MAGI1: variants seen among roughly 807,000 people sequenced by gnomAD.
MAGI1 encodes membrane-associated guanylate kinase, WW and PDZ domain-containing protein 1.
Under a neutral mutation model 139.9 loss-of-function variants are expected in MAGI1, and 58 were observed. That is an observed-to-expected ratio of 0.41 (90% CI 0.34 to 0.52). The LOEUF is 0.52. Ranked by LOEUF, MAGI1 falls within the 20% of genes least tolerant of loss-of-function variation. The pLI, the probability that MAGI1 is intolerant of heterozygous loss-of-function variation, is 0.12. For synonymous variants in MAGI1, 812 were observed against 737.9 expected, an observed-to-expected ratio of 1.10 and a Z score of -1.63; for missense variants, 1,874 against 1,901.6, an observed-to-expected ratio of 0.99 and a Z score of 0.27.
intron 1 of MAGI1, among the ~76,000 whole-genome samples, chr3:65,771,035 T>C (rs1419581770): frequency 2.0e-5 from 3 of 151,784 alleles, no homozygotes; most frequent in Non-Finnish European, 4.4e-5. Context: ...GGTGTGGTAT[T>C]ACAGATTACA....
At chr3:65,930,852 C>A (rs1457847503) in intron 1 of MAGI1, among the ~76,000 whole-genome samples, 1 of 152,100 alleles carries the variant, frequency 6.6e-6, no homozygotes, top group Admixed American at 6.5e-5. Context: ...AGGAAGTTAC[C>A]GTATATGGTC....
rs80187774 is a variant in MAGI1, at chr3:65,565,100, G to A, written c.430+56872C>T. ...CCTGCAAGCACATCAGCATACACAC[G>A]GGTGCACACACATATATACGGGCAC... On this transcript the variant is annotated intron_variant, in intron 2 of 22. Transcript: ENST00000402939. 7.4e-3 allele frequency among the ~76,000 whole-genome samples: 1,130 copies of A among 152,202 alleles called. 17 individuals are homozygous for A. Among genetic ancestry groups the A allele is most frequent in the African/African-American group, 0.026 (1,085 of 41,516 alleles).
chr3:65,841,009 T>C (rs1487253512), intron 1 of MAGI1, among the ~76,000 whole-genome samples: 1 of 152,176 alleles, frequency 6.6e-6, no homozygotes, highest in Middle Eastern at 3.2e-3. Context: ...TTGTGGTAGT[T>C]TGTGCTTTTC....
At chr3:65,392,994 A>G (rs1944058306) in intron 13 of MAGI1, among the ~76,000 whole-genome samples, 1 of 152,166 alleles carries the variant, frequency 6.6e-6, no homozygotes, top group South Asian at 2.1e-4. Flanking sequence ...AAAAACATAC[A>G]CTGTTGCAGA....
chr3:65,552,692 C>A (rs1469288746), intron 2 of MAGI1, among the ~76,000 whole-genome samples: 1 of 152,118 alleles, frequency 6.6e-6, no homozygotes, highest in Non-Finnish European at 1.5e-5. Context: ...TTCTTGGGGC[C>A]CTGATCCTAT....
chr3:65,840,297 T>C (rs1490464585), intron 1 of MAGI1, among the ~76,000 whole-genome samples: 1 of 152,198 alleles, frequency 6.6e-6, no homozygotes, highest in African/African-American at 2.4e-5. Flanking sequence ...CAGTACTATA[T>C]TGAATAGCAG....
At position 65,356,287 on chromosome 3, in the gene MAGI1, C is replaced by T. The variant is rs530939706; in HGVS notation, c.*91G>A. ...TCATAGGATCATCAGGTGTCAGATGCTTCATTAGGTAAGAAACTAAATAAT... is the reference window on the plus strand; with the variant it reads ...TCATAGGATCATCAGGTGTCAGATGTTTCATTAGGTAAGAAACTAAATAAT... On this transcript the variant is annotated 3_prime_UTR_variant, in exon 23 of 23. Transcript: ENST00000402939. 2.7e-5 allele frequency: 35 copies of T among 1,313,050 alleles called. No individual in the cohort carries two copies. Among genetic ancestry groups the T allele is most frequent in the Non-Finnish European group, 3.2e-5 (31 of 977,142 alleles). The allele number at this position is 1,313,050 out of a possible 1,614,324, so 81.3% of individuals were successfully genotyped here.
chr3:65,479,372 G>A (rs927933323), intron 3 of MAGI1, among the ~76,000 whole-genome samples: 2 of 152,122 alleles, frequency 1.3e-5, no homozygotes, highest in African/African-American at 4.8e-5. Context: ...AGCTTTAACA[G>A]AAAACCCTGT....
At chr3:65,833,632 T>C (rs1362623836) in intron 1 of MAGI1, among the ~76,000 whole-genome samples, 1 of 152,222 alleles carries the variant, frequency 6.6e-6, no homozygotes. Context: ...TCATATAAAA[T>C]AGAGAATATT....
chr3:65,805,220 A>G (rs2040773629), intron 1 of MAGI1, among the ~76,000 whole-genome samples: 1 of 152,228 alleles, frequency 6.6e-6, no homozygotes, highest in South Asian at 2.1e-4. Flanking sequence ...AGAATCTATA[A>G]GGAACTTAAA....
intron 1 of MAGI1, among the ~76,000 whole-genome samples, chr3:65,929,589 T>A (rs1356869074): frequency 6.6e-6 from 1 of 152,110 alleles, no homozygotes; most frequent in East Asian, 1.9e-4. Flanking sequence ...CACCTCGGCC[T>A]CCCAAAGTGC....
chr3:65,465,035 C>T (rs901183827), intron 5 of MAGI1, among the ~76,000 whole-genome samples: 8 of 148,204 alleles, frequency 5.4e-5, no homozygotes, highest in Middle Eastern at 3.3e-3. Flanking sequence ...ATCTTATAGT[C>T]TACTGGCATT....
chr3:65,464,590 G>C (rs1231283722), intron 5 of MAGI1, among the ~76,000 whole-genome samples: 1 of 151,968 alleles, frequency 6.6e-6, no homozygotes, highest in African/African-American at 2.4e-5. Context: ...GTCAACTCTT[G>C]CTTCTTTCGA....
intron 1 of MAGI1, among the ~76,000 whole-genome samples, chr3:65,630,871 G>C (rs770839899): frequency 3.9e-5 from 6 of 152,146 alleles, no homozygotes; most frequent in Admixed American, 1.3e-4. Context: ...TTTTTAAAAA[G>C]AGAGAGAGAG....
chr3:65,781,085 A>G (rs946835104), intron 1 of MAGI1, among the ~76,000 whole-genome samples: 2 of 151,980 alleles, frequency 1.3e-5, no homozygotes, highest in Non-Finnish European at 2.9e-5. Context: ...AATTCCAACT[A>G]CCCAGGAGGC....
At chr3:65,829,977 G>C (rs1264504111) in intron 1 of MAGI1, among the ~76,000 whole-genome samples, 1 of 152,132 alleles carries the variant, frequency 6.6e-6, no homozygotes, top group East Asian at 1.9e-4. Flanking sequence ...CAAATAAACT[G>C]TTTTATTAGT....
At chr3:65,950,106 A>AAAAC (rs796698272) in intron 1 of MAGI1, among the ~76,000 whole-genome samples, 117 of 84,160 alleles carry the variant, frequency 1.4e-3, no homozygotes, top group African/African-American at 2.4e-3. Flanking sequence ...AAAAAAAAAA[A>AAAAC]CAGAACTAGC....
chr3:65,799,476 C>T (rs934225005), intron 1 of MAGI1, among the ~76,000 whole-genome samples: 1 of 152,164 alleles, frequency 6.6e-6, no homozygotes, highest in African/African-American at 2.4e-5. Context: ...ACTGGAGAGT[C>T]TCTATCTGCT....
intron 1 of MAGI1, among the ~76,000 whole-genome samples, chr3:65,642,989 T>C (rs984349894): frequency 6.6e-6 from 1 of 152,198 alleles, no homozygotes; most frequent in African/African-American, 2.4e-5. Flanking sequence ...TAACATAATA[T>C]GCCAGAGAAC....
Sources: allele counts gnomAD v4.1 joint callset (sites outside exome capture counted in the v4.1 genomes callset), GRCh38; gene constraint gnomAD v4.1.1; transcripts MANE v1.5; gene names NCBI Gene and HGNC (gene_info 2026-07-23, HGNC 2026-07-21).